The following DCT variants were observed in gnomAD, a reference collection of about 807,000 sequenced individuals.
DCT encodes the protein dopachrome tautomerase.
In DCT, 47 loss-of-function variants were observed where a neutral mutation model predicts 53.0. The observed-to-expected ratio is 0.89, with a 90% CI of 0.70 to 1.13. DCT has a LOEUF of 1.13. Among genes scored for constraint, DCT ranks in the 50% most tolerant of loss-of-function variants. DCT has a pLI of 0.00. For synonymous variants in DCT, 244 were observed against 237.0 expected (o/e 1.03, Z -0.27); for missense variants, 669 against 637.4 (o/e 1.05, Z -0.53).
At chr13:94,545,441 T>C in the DCT span, among the ~76,000 whole-genome samples, 10 of 152,112 alleles carry the variant, frequency 6.6e-5, no homozygotes, top group Non-Finnish European at 1.3e-4. Flanking sequence ...AATAATTAAT[T>C]CCAAATGACC....
At chr13:94,457,657 T>C (rs983793291) in intron 6 of DCT, among the ~76,000 whole-genome samples, 2 of 152,176 alleles carry the variant, frequency 1.3e-5, no homozygotes, top group Non-Finnish European at 1.5e-5. Flanking sequence ...CTCAAAATAC[T>C]GGCAAAATAA....
Position 94,479,056 on chromosome 13 carries a change from T to C in DCT, c.200A>G (p.Asp67Gly). Reference protein sequence around the residue: ...GRGQCTEVRADTRPWSGPYIL... With the variant: ...GRGQCTEVRAGTRPWSGPYIL... ...GTAGGGACCACTCCAGGGCCTTGTG[T>C]CGGCTCGCACCTCTGTGCACTGCCC... Residue 67 changes from aspartate to glycine, a missense_variant, in exon 1 of 8, where the codon GAC (aspartate) becomes GGC (glycine). Coordinates refer to ENST00000377028, the MANE Select transcript of DCT (RefSeq NM_001922.5). The C allele has an allele frequency of 1.2e-6, 2 of 1,614,228 alleles. No homozygotes were observed. Among genetic ancestry groups the C allele is most frequent in the Non-Finnish European group, 1.7e-6 (2 of 1,180,026 alleles).
the DCT span, among the ~76,000 whole-genome samples, chr13:94,484,770 C>T: frequency 6.6e-6 from 1 of 152,136 alleles, no homozygotes; most frequent in Non-Finnish European, 1.5e-5. Context: ...ATCCTGACGA[C>T]TTCATTTTTA....
upstream of DCT, among the ~76,000 whole-genome samples, chr13:94,480,696 C>T (rs745943593): frequency 3.3e-5 from 5 of 152,222 alleles, no homozygotes; most frequent in African/African-American, 1.2e-4. Context: ...TACCACAGCC[C>T]TACTGAATCA....
the DCT span, among the ~76,000 whole-genome samples, chr13:94,517,727 G>C: frequency 3.9e-5 from 6 of 152,102 alleles, no homozygotes; most frequent in Admixed American, 6.5e-5. Context: ...GATTTAACAC[G>C]GACAGAAGAC....
chr13:94,442,813 A>G (rs1460548615), intron 7 of DCT, among the ~76,000 whole-genome samples: 2 of 152,194 alleles, frequency 1.3e-5, no homozygotes, highest in Non-Finnish European at 1.5e-5. Flanking sequence ...CAGTTATAAG[A>G]CGATGTGGGT....
At chr13:94,445,582 A>C (rs1594274844) in intron 6 of DCT, 1 of 637,966 alleles carries the variant, frequency 1.6e-6, no homozygotes, top group South Asian at 2.0e-5. Flanking sequence ...AAAATTCCTG[A>C]CCCACAGAAA....
chr13:94,480,422 A>C (rs997644234), upstream of DCT, among the ~76,000 whole-genome samples: 1 of 152,154 alleles, frequency 6.6e-6, no homozygotes, highest in Non-Finnish European at 1.5e-5. Flanking sequence ...ATTTTTTCAC[A>C]GTGGAAACAG....
Position 94,438,674 on chromosome 13 carries a change from T to G in DCT, c.*1224A>C, listed in dbSNP as rs1177535466. 2 of 455,784 alleles carry G rather than the reference T, an allele frequency of 4.4e-6. No individual in the cohort carries two copies. The highest frequency in any genetic ancestry group is 2.0e-5 in the African/African-American group (1 of 50,054). 28.2% of individuals were successfully genotyped at this position (455,784 alleles called of 1,614,324 possible). On this transcript the variant is annotated 3_prime_UTR_variant, in exon 8 of 8. Coordinates refer to ENST00000377028, the MANE Select transcript of DCT (RefSeq NM_001922.5). The stretch of plus-strand genomic sequence containing the variant: ...TCAAGAGCCATTAACTTCTCTGAAG[T>G]GGGGTCCATCATGATAAGTCTGAAC...
chr13:94,498,336 G>A, the DCT span, among the ~76,000 whole-genome samples: 1 of 152,206 alleles, frequency 6.6e-6, no homozygotes, highest in Non-Finnish European at 1.5e-5. Context: ...AAATCTTTAG[G>A]AGCTGTTATG....
chr13:94,518,108 G>GGGAAGGAAGGAA, the DCT span, among the ~76,000 whole-genome samples: 117 of 125,262 alleles, frequency 9.3e-4, no homozygotes, highest in East Asian at 2.2e-3. Flanking sequence ...GGGAAACGAA[G>GGGAAGGAAGGAA]GGAAGGAAGG....
the DCT span, among the ~76,000 whole-genome samples, chr13:94,537,309 T>C: frequency 6.6e-6 from 1 of 152,258 alleles, no homozygotes; most frequent in Non-Finnish European, 1.5e-5. Flanking sequence ...AAACCTTCCA[T>C]TTAAAAATAG....
In DCT at chr13:94,469,369, A is replaced by G. The variant is rs559659424; in HGVS notation, c.296-324T>C. The stretch of plus-strand genomic sequence containing the variant: ...CTATATTTGGAGATAGTGTCTTTAA[A>G]GAGGTAATTAAGGGTAAATGAGGTA... On this transcript the variant is annotated intron_variant, in intron 1 of 7. Transcript: ENST00000377028. Among the ~76,000 whole-genome samples, 86 of 152,322 alleles carry G rather than the reference A, an allele frequency of 5.6e-4. 1 individual carries two copies. The South Asian group carries it at 0.017, about 29-fold the overall frequency.
the DCT span, among the ~76,000 whole-genome samples, chr13:94,511,238 A>T: frequency 6.6e-6 from 1 of 152,052 alleles, no homozygotes; most frequent in Non-Finnish European, 1.5e-5. Flanking sequence ...CTCCAGCTAC[A>T]TTGAACTGCT....
chr13:94,541,529 C>G, the DCT span, among the ~76,000 whole-genome samples: 1 of 151,700 alleles, frequency 6.6e-6, no homozygotes, highest in Non-Finnish European at 1.5e-5. Context: ...AAAAAAAGAT[C>G]TAGTGTTGAT....
chr13:94,460,710 T>C (rs1883724905), intron 5 of DCT, among the ~76,000 whole-genome samples: 1 of 152,042 alleles, frequency 6.6e-6, no homozygotes, highest in East Asian at 1.9e-4. Flanking sequence ...CAATTAGCCA[T>C]GATTGTGCCA....
intron 4 of DCT, among the ~76,000 whole-genome samples, chr13:94,463,083 C>T (rs1883925328): frequency 6.6e-6 from 1 of 152,162 alleles, no homozygotes; most frequent in South Asian, 2.1e-4. Flanking sequence ...TACACGCCTG[C>T]TATGGCCTGG....
chr13:94,482,877 C>T (rs2139390271), upstream of DCT, among the ~76,000 whole-genome samples: 1 of 152,304 alleles, frequency 6.6e-6, no homozygotes, highest in East Asian at 1.9e-4. Flanking sequence ...ATCACTACAA[C>T]CCATGAACTC....
chr13:94,480,438 T>C (rs1049772344), upstream of DCT, among the ~76,000 whole-genome samples: 3 of 152,178 alleles, frequency 2.0e-5, no homozygotes, highest in South Asian at 2.1e-4. Context: ...AACAGGACTG[T>C]CTTGGTAACT....
Sources: gnomAD v4.1 joint callset for allele counts (sites outside exome capture counted in the v4.1 genomes callset) on GRCh38, gnomAD v4.1.1 for gene constraint, MANE v1.5 for transcripts, NCBI Gene and HGNC (gene_info 2026-07-23, HGNC 2026-07-21) for gene names.